The following CHRNB2 variants were observed in gnomAD, a reference collection of about 807,000 sequenced individuals.
CHRNB2 encodes cholinergic receptor nicotinic beta 2 subunit.
In CHRNB2, 33 loss-of-function variants were observed where a neutral mutation model predicts 42.7. The ratio of observed to expected loss-of-function variants is 0.77; its 90% CI spans 0.59 to 1.03. The LOEUF is 1.03. Ranked by LOEUF, CHRNB2 falls within the 50% of genes least tolerant of loss-of-function variation. The pLI is 0.00. For synonymous variants in CHRNB2, 325 were observed against 292.9 expected, an observed-to-expected ratio of 1.11 and a Z score of -1.12; for missense variants, 603 against 700.9, an observed-to-expected ratio of 0.86 and a Z score of 1.58.
chr1:154,572,319 A>G (rs1696191514), intron 5 of CHRNB2, among the ~76,000 whole-genome samples, 158 bp downstream of exon 5: 1 of 151,976 alleles, frequency 6.6e-6, no homozygotes, highest in Admixed American at 6.5e-5. Context: ...GGTGCTGGCT[A>G]GGGCCCTTCT....
rs201180392 is a variant in CHRNB2 at position 154,576,847 on chromosome 1, C to A, written c.*915C>A. 1 of 152,214 alleles carries A rather than the reference C, an allele frequency of 6.6e-6. No homozygotes were observed. Among genetic ancestry groups the A allele is most frequent in the African/African-American group, 2.4e-5 (1 of 41,446 alleles). The allele number at this position is 152,214 out of a possible 1,614,324, so 9.4% of individuals were successfully genotyped here. On this transcript the variant is annotated 3_prime_UTR_variant, in exon 6 of 6. Coordinates refer to ENST00000368476, the MANE Select transcript of CHRNB2 (RefSeq NM_000748.3). Reference sequence around the variant, plus strand: ...TTGCAGATGAAGAAACTGACCCACACGGTGAGACAAGCACAGGTGGGTCTG... The same window carrying A: ...TTGCAGATGAAGAAACTGACCCACAAGGTGAGACAAGCACAGGTGGGTCTG...
Position 154,567,843 on chromosome 1 carries a change from C to G in CHRNB2, c.-202C>G, listed in dbSNP as rs1696087029. 1 of 465,350 alleles carries G rather than the reference C, an allele frequency of 2.1e-6. No homozygotes were observed. Among genetic ancestry groups the G allele is most frequent in the East Asian group, 3.7e-5 (1 of 26,858 alleles). The allele number at this position is 465,350 out of a possible 1,614,324, so 28.8% of individuals were successfully genotyped here. A position where few individuals can be genotyped will look rare whatever the true frequency, so the allele number is the denominator to read the frequency against. On this transcript the variant is annotated 5_prime_UTR_variant, in exon 1 of 6. Transcript: ENST00000368476. ...GAGCAGCCGGAAAAGCCTCCGCCTG[C>G]TCATACCAGGATAGGCAAGAAGCTG...
At chr1:154,568,593 C>T (rs1034875572) in intron 1 of CHRNB2, among the ~76,000 whole-genome samples, 1 of 152,088 alleles carries the variant, frequency 6.6e-6, no homozygotes, top group Non-Finnish European at 1.5e-5. Context: ...GAAAACGGAA[C>T]GGACTTTTCA....
At position 154,576,973 on chromosome 1, in the gene CHRNB2, T is replaced by G. The variant is rs1696292571; in HGVS notation, c.*1041T>G. The G allele has an allele frequency of 1.3e-5, 2 of 152,234 alleles. No homozygotes were observed. 9.4% of individuals were successfully genotyped at this position (152,234 alleles called of 1,614,324 possible). ...AAGGAAGTGAACTGAGGATGTTAGC[T>G]TTAAGCCAACCCAGCCTCTTTGTCC... On this transcript the variant is annotated 3_prime_UTR_variant, in exon 6 of 6. Coordinates refer to ENST00000368476, the MANE Select transcript of CHRNB2 (RefSeq NM_000748.3).
At chr1:154,575,662 G>C in intron 5 of CHRNB2, 100 bp from the exon 6 acceptor site, 2 of 1,157,766 alleles carry the variant, frequency 1.7e-6, no homozygotes, top group Non-Finnish European at 2.6e-6. Flanking sequence ...CACTGCAGGA[G>C]AGGAGTGGGG....
chr1:154,575,398 G>A (rs1696252766), intron 5 of CHRNB2, among the ~76,000 whole-genome samples: 1 of 152,174 alleles, frequency 6.6e-6, no homozygotes, highest in Admixed American at 6.5e-5. Context: ...AGATATGTAG[G>A]AGTGCACCAG....
chr1:154,568,082 G>A lies in CHRNB2; in HGVS notation c.38G>A (p.Gly13Asp). ...TGCGGCCCCGTGGCGCTGCTCCTTG[G>A]CTTCGGCCTCCTCCGGCTGTGCTCA... ...RRCGPVALLL[G>D]FGLLRLCSGV... The change falls in exon 1 of 6, where the codon GGC becomes GAC. Residue 13 changes from glycine (G) to aspartate (D), a missense_variant. Physicochemically the swap from Gly to Asp is moderately conservative, Grantham distance 94 (BLOSUM62 -1). This residue lies in a region of CHRNB2 where 333 missense variants were observed against 452.6 expected (regional missense o/e 0.74). Transcript: ENST00000368476. 1 of 1,604,636 alleles carries A rather than the reference G, an allele frequency of 6.2e-7. No homozygotes were observed.
intron 1 of CHRNB2, among the ~76,000 whole-genome samples, chr1:154,568,829 T>C (rs923502412): frequency 2.0e-5 from 3 of 151,848 alleles, no homozygotes; most frequent in Non-Finnish European, 2.9e-5. Flanking sequence ...GTGTGAAACT[T>C]GGGGCTACAT....
At position 154,569,603 on chromosome 1, in the gene CHRNB2, G is replaced by A. The variant is rs763293202; in HGVS notation, c.206G>A (p.Ser69Asn). Reference protein sequence around the residue: ...QLMVSLAQLISVHEREQIMTT... With the variant: ...QLMVSLAQLINVHEREQIMTT... ...ATGGTGTCACTGGCCCAGCTCATCAGTGTGGTGAGTAGAGGTCCCAGGCTC... is the reference window on the plus strand; with the variant it reads ...ATGGTGTCACTGGCCCAGCTCATCAATGTGGTGAGTAGAGGTCCCAGGCTC... The change falls in exon 2 of 6, where the codon AGT (serine) becomes AAT (asparagine). Residue 69 changes from serine (S) to asparagine (N), a missense_variant. By Grantham distance (46) the Ser-to-Asn change is conservative (BLOSUM62 1). Around this residue, in one of 2 missense-constraint regions of CHRNB2, gnomAD observed 333 missense variants for 452.6 expected, o/e 0.74. Transcript: ENST00000368476. 1 of 1,614,132 alleles carries A rather than the reference G, an allele frequency of 6.2e-7. No individual in the cohort carries two copies. The highest frequency in any genetic ancestry group is 8.5e-7 in the Non-Finnish European group (1 of 1,180,024).
rs563353381 is a variant in CHRNB2, at chr1:154,569,080, C to T, written c.65-382C>T. Among the ~76,000 whole-genome samples, 3 of 151,950 alleles carry T rather than the reference C, an allele frequency of 2.0e-5. No individual in the cohort carries two copies. The South Asian group carries it at 6.2e-4, about 32-fold the overall frequency. On this transcript the variant is annotated intron_variant, in intron 1 of 5. Coordinates refer to ENST00000368476, the MANE Select transcript of CHRNB2 (RefSeq NM_000748.3). ...GGACACAAATAACTGGGACAAATAACTGTTCACCTTCACTGCCCTGCTAAA... is the reference window on the plus strand; with the variant it reads ...GGACACAAATAACTGGGACAAATAATTGTTCACCTTCACTGCCCTGCTAAA...
At position 154,571,082 on chromosome 1, in the gene CHRNB2, T is replaced by TC. The variant is rs1696156137; in HGVS notation, c.366-103dup. ...GTTACTCTCAGATCTGGGTGTCCCC[T>TC]CCCCATGTCTCCCTCTGGTTTTGCT... On this transcript the variant is annotated intron_variant, in intron 4 of 5. Coordinates refer to ENST00000368476, the MANE Select transcript of CHRNB2 (RefSeq NM_000748.3). The surrounding 1 kb of genome is among the most constrained non-coding windows in gnomAD (Gnocchi z 6.8). 9 of 1,602,778 alleles carry TC rather than the reference T, an allele frequency of 5.6e-6. No homozygotes were observed. In the African/African-American group the frequency reaches 1.1e-4, roughly 19 times the overall value.
chr1:154,572,567 A>G (rs962452277), intron 5 of CHRNB2, among the ~76,000 whole-genome samples: 2 of 151,972 alleles, frequency 1.3e-5, no homozygotes, highest in Non-Finnish European at 2.9e-5. Flanking sequence ...GTTAACCTGC[A>G]GCTCTTAGCA....
chr1:154,574,418 A>G lies in CHRNB2; in HGVS notation c.1339-1344A>G, dbSNP rs1440948508. Among the ~76,000 whole-genome samples, 4 of 152,318 alleles carry G rather than the reference A, an allele frequency of 2.6e-5. No homozygotes were observed. In the East Asian group the frequency reaches 7.7e-4, roughly 29 times the overall value. On this transcript the variant is annotated intron_variant, in intron 5 of 5. Transcript: ENST00000368476. The stretch of plus-strand genomic sequence containing the variant: ...TAATCCAGGGTCTCAAATTACATTT[A>G]GTTGTCATGTCTCTAGTTTCCTTCA...
rs778371515 is a variant in CHRNB2, at chr1:154,575,818, C to G, written c.1395C>G (p.Ile465Met). Residue 465 changes from isoleucine (I) to methionine (M), a missense_variant, in exon 6 of 6, where the codon ATC (isoleucine) becomes ATG (methionine). Ile to Met is a conservative substitution (Grantham distance 10). Transcript: ENST00000368476. ...AMVIDRLFLW[I>M]FVFVCVFGTI... ...TGATCGACCGCCTCTTCCTCTGGAT[C>G]TTTGTCTTTGTCTGTGTCTTTGGCA... The G allele has an allele frequency of 6.2e-7, 1 of 1,614,164 alleles. No homozygotes were observed. Among genetic ancestry groups the G allele is most frequent in the South Asian group, 1.1e-5 (1 of 91,082 alleles).
chr1:154,569,676 T>C, intron 2 of CHRNB2, 69 bp downstream of exon 2: 2 of 1,613,208 alleles, frequency 1.2e-6, no homozygotes. Flanking sequence ...TTAATGCTTG[T>C]GTGCTTCCTC....
chr1:154,571,870 G>A lies in CHRNB2; in HGVS notation c.1047G>A (p.Met349Ile). Residue 349 changes from methionine (M) to isoleucine (I), a missense_variant, in exon 5 of 6, where the codon ATG becomes ATA. Physicochemically the swap from Met to Ile is conservative, Grantham distance 10. Transcript: ENST00000368476. This position sits in a 1 kb window ranked among gnomAD's most constrained non-coding sequence, Gnocchi z 6.8. ...AGAAGCTGCCCGCGCTGCTCTTCATGCAGCAGCCACGCCATCATTGCGCCC... is the reference window on the plus strand; with the variant it reads ...AGAAGCTGCCCGCGCTGCTCTTCATACAGCAGCCACGCCATCATTGCGCCC... The part of the protein sequence containing the change: ...FLEKLPALLF[M>I]QQPRHHCARQ... 1 of 1,603,140 alleles carries A rather than the reference G, an allele frequency of 6.2e-7. No individual in the cohort carries two copies. The highest frequency in any genetic ancestry group is 8.5e-7 in the Non-Finnish European group (1 of 1,177,180).
chr1:154,567,986 C>CCT lies in CHRNB2; in HGVS notation c.-57_-56dup. On this transcript the variant is annotated 5_prime_UTR_variant, in exon 1 of 6. Coordinates refer to ENST00000368476, the MANE Select transcript of CHRNB2 (RefSeq NM_000748.3). ...CCACGGACAGCGCCCCACCCGCGGC[C>CCT]CTCCCCCCGGCGGCGCGCTCCAGCC... is the stretch of plus-strand genomic sequence containing the variant. 1.4e-6 allele frequency: 2 copies of CCT among 1,449,532 alleles called. No individual in the cohort carries two copies. The highest frequency in any genetic ancestry group is 5.6e-5 in the East Asian group (2 of 35,488). The allele number at this position is 1,449,532 out of a possible 1,614,324, so 89.8% of individuals were successfully genotyped here. A position where few individuals can be genotyped will look rare whatever the true frequency, so the allele number is the denominator to read the frequency against.
At position 154,569,609 on chromosome 1, in the gene CHRNB2, T is replaced by G; in HGVS notation, c.210+2T>G. 1 of 1,614,036 alleles carries G rather than the reference T, an allele frequency of 6.2e-7. No homozygotes were observed. Among genetic ancestry groups the G allele is most frequent in the Non-Finnish European group, 8.5e-7 (1 of 1,179,998 alleles). ...TCACTGGCCCAGCTCATCAGTGTGGTGAGTAGAGGTCCCAGGCTCTCTGCC... is the reference window on the plus strand; with the variant it reads ...TCACTGGCCCAGCTCATCAGTGTGGGGAGTAGAGGTCCCAGGCTCTCTGCC... On this transcript the variant is annotated splice_donor_variant, in intron 2 of 5. Transcript: ENST00000368476. LOFTEE classifies it high-confidence loss of function.
chr1:154,571,972 G>C lies in CHRNB2; in HGVS notation c.1149G>C (p.Gly383=), dbSNP rs779771980. 4 of 1,539,886 alleles carry C rather than the reference G, an allele frequency of 2.6e-6. No homozygotes were observed. Among genetic ancestry groups the C allele is most frequent in the East Asian group, 2.4e-5 (1 of 41,014 alleles). ...AGALFFREAP[G]ADSCTCFVNR... ...CCCTCTTCTTCCGCGAAGCCCCAGG[G>C]GCCGACTCCTGCACGTGCTTCGTCA... Residue 383 remains glycine, a synonymous_variant, in exon 5 of 6, where the codon GGG becomes GGC. Coordinates refer to ENST00000368476, the MANE Select transcript of CHRNB2 (RefSeq NM_000748.3). The surrounding 1 kb of genome is among the most constrained non-coding windows in gnomAD (Gnocchi z 6.8).
Sources: allele counts gnomAD v4.1 joint callset (sites outside exome capture counted in the v4.1 genomes callset), GRCh38; gene constraint gnomAD v4.1.1; regional missense constraint gnomAD v4.1.1; non-coding constraint Gnocchi (gnomAD v3.1); transcripts MANE v1.5; gene names NCBI Gene and HGNC (gene_info 2026-07-23, HGNC 2026-07-21).